The following RIMBP2 variants were observed in gnomAD, a reference collection of about 807,000 sequenced individuals.
The protein encoded by RIMBP2 is RIMS-binding protein 2.
In RIMBP2, 48 loss-of-function variants were observed where a neutral mutation model predicts 118.6. That is an observed-to-expected ratio of 0.40 (90% confidence interval 0.32 to 0.51). The LOEUF (loss-of-function observed/expected upper bound fraction) is 0.51, where lower values mean the gene tolerates loss of function less well. Among genes scored for constraint, RIMBP2 ranks in the 20% least tolerant of loss-of-function variants. The pLI is 0.41. For synonymous variants in RIMBP2, 762 were observed against 742.9 expected (o/e 1.03, Z -0.42); for missense variants, 1,551 against 1,768.3 (o/e 0.88, Z 2.20).
chr12:130,674,533 G>A (rs968530062), intron 1 of RIMBP2, among the ~76,000 whole-genome samples: 5 of 152,122 alleles, frequency 3.3e-5, no homozygotes, highest in African/African-American at 1.2e-4. Flanking sequence ...GGCAAGCCAG[G>A]GACATAGCGG....
At chr12:130,414,609 G>C (rs951222292) in intron 17 of RIMBP2, 41 of 245,488 alleles carry the variant, frequency 1.7e-4, no homozygotes, top group African/African-American at 8.6e-4. Flanking sequence ...CGTGCCAGGG[G>C]CAGGATGGCC....
chr12:130,696,261 A>T (rs1004678161), intron 1 of RIMBP2, among the ~76,000 whole-genome samples: 1 of 152,164 alleles, frequency 6.6e-6, no homozygotes, highest in African/African-American at 2.4e-5. Flanking sequence ...CTGCCTGGGG[A>T]GGGCAGAGAC....
Position 130,451,359 on chromosome 12 carries a change from A to C in RIMBP2, c.359-19T>G. 1 of 1,586,524 alleles carries C rather than the reference A, an allele frequency of 6.3e-7. No homozygotes were observed. The highest frequency in any genetic ancestry group is 8.6e-7 in the Non-Finnish European group (1 of 1,160,540). ...TCCTGACCTGGCCACGAACATTAAA[A>C]CAAGTTGAAACAAATATGCGAATAA... On this transcript the variant is annotated intron_variant, in intron 7 of 22. Transcript: ENST00000690449.
intron 2 of RIMBP2, among the ~76,000 whole-genome samples, chr12:130,532,634 T>G (rs77263113): frequency 0.42 from 42,357 of 100,464 alleles, 11,885 homozygotes; most frequent in Admixed American, 0.5. Flanking sequence ...CTCTAGGAGG[T>G]ACGTCTAATG....
Position 130,469,036 on chromosome 12 carries a change from A to C in RIMBP2, c.153+1657T>G. On this transcript the variant is annotated intron_variant, in intron 6 of 22. Coordinates refer to ENST00000690449, the MANE Select transcript of RIMBP2 (RefSeq NM_001393629.1). The surrounding 1 kb of genome is among the most constrained non-coding windows in gnomAD (Gnocchi z 4.8). ...ACCCCCCACCTGCGTCAGAAGCTGCAGTTCAGGAAGCAGAGGCAGGTCAGA... is the reference window on the plus strand; with the variant it reads ...ACCCCCCACCTGCGTCAGAAGCTGCCGTTCAGGAAGCAGAGGCAGGTCAGA... 6.6e-6 allele frequency: 1 copy of C among 152,454 alleles called. No homozygotes were observed. The highest frequency in any genetic ancestry group is 2.4e-5 in the African/African-American group (1 of 41,426). The allele number at this position is 152,454 out of a possible 1,614,324, so 9.4% of individuals were successfully genotyped here.
intron 12 of RIMBP2, among the ~76,000 whole-genome samples, chr12:130,438,161 A>T (rs1287085688): frequency 2.0e-5 from 3 of 152,102 alleles, no homozygotes; most frequent in Non-Finnish European, 4.4e-5. Flanking sequence ...GCAGGGGATG[A>T]GTGAGGGGAG....
At chr12:130,674,743 C>A (rs2064364946) in intron 1 of RIMBP2, among the ~76,000 whole-genome samples, 1 of 152,146 alleles carries the variant, frequency 6.6e-6, no homozygotes, top group Non-Finnish European at 1.5e-5. Context: ...GCCGAAACCC[C>A]ATATCCATGA....
At chr12:130,602,668 A>T (rs61934625) in intron 2 of RIMBP2, among the ~76,000 whole-genome samples, 18,995 of 152,236 alleles carry the variant, frequency 0.12, 1,542 homozygotes, top group Non-Finnish European at 0.19. Flanking sequence ...TGCGTAAGTA[A>T]CAGTCATTAA....
chr12:130,663,847 C>T (rs960085494), intron 1 of RIMBP2, among the ~76,000 whole-genome samples: 4 of 151,698 alleles, frequency 2.6e-5, no homozygotes, highest in Non-Finnish European at 5.9e-5. Context: ...TACATATGCA[C>T]AGGTTATTCC....
intron 5 of RIMBP2, among the ~76,000 whole-genome samples, chr12:130,473,289 C>T (rs1022965291): frequency 2.6e-5 from 4 of 152,206 alleles, no homozygotes; most frequent in Admixed American, 2.0e-4. Flanking sequence ...AGGGAAAGTG[C>T]GACCTTTACG....
At chr12:130,638,469 G>A (rs547659922) in intron 1 of RIMBP2, among the ~76,000 whole-genome samples, 5 of 152,348 alleles carry the variant, frequency 3.3e-5, no homozygotes, top group South Asian at 4.1e-4. Flanking sequence ...GAACGAGGCC[G>A]CACAGCAGGA....
Position 130,428,333 on chromosome 12 carries a change from T to C in RIMBP2, c.2258A>G (p.His753Arg), listed in dbSNP as rs750333053. ...LKGSELGKQPHCCHGDEYHTE... is the reference protein window; with the variant it reads ...LKGSELGKQPRCCHGDEYHTE... Reference sequence around the variant, plus strand: ...GTGGTACTCGTCTCCATGGCAACAGTGCGGCTGGGGGCCAAGAAAAGGGGC... The same window carrying C: ...GTGGTACTCGTCTCCATGGCAACAGCGCGGCTGGGGGCCAAGAAAAGGGGC... The change falls in exon 15 of 23, where the codon CAC (histidine) becomes CGC (arginine). Residue 753 changes from histidine to arginine, a missense_variant. By Grantham distance (29) the His-to-Arg change is conservative. Coordinates refer to ENST00000690449, the MANE Select transcript of RIMBP2 (RefSeq NM_001393629.1). 10 of 1,605,742 alleles carry C rather than the reference T, an allele frequency of 6.2e-6. No individual in the cohort carries two copies. The South Asian group carries it at 8.9e-5, about 14-fold the overall frequency.
chr12:130,693,228 G>A (rs1381223268), intron 1 of RIMBP2, among the ~76,000 whole-genome samples: 1 of 152,172 alleles, frequency 6.6e-6, no homozygotes, highest in Non-Finnish European at 1.5e-5. Flanking sequence ...CCATGGTCAT[G>A]TAATGATTCA....
chr12:130,473,455 A>G (rs1190334245), intron 5 of RIMBP2, among the ~76,000 whole-genome samples: 1 of 152,138 alleles, frequency 6.6e-6, no homozygotes, highest in Non-Finnish European at 1.5e-5. Flanking sequence ...GCGCTCACAG[A>G]AGGGAGGGCA....
chr12:130,567,763 C>T (rs1325409061), intron 2 of RIMBP2, among the ~76,000 whole-genome samples: 1 of 152,236 alleles, frequency 6.6e-6, no homozygotes, highest in Non-Finnish European at 1.5e-5. Context: ...CATCCCACCT[C>T]TTCCCCCTGG....
intron 2 of RIMBP2, among the ~76,000 whole-genome samples, chr12:130,535,585 C>T (rs1372325988): frequency 6.6e-6 from 1 of 151,664 alleles, no homozygotes; most frequent in Non-Finnish European, 1.5e-5. Context: ...TAGACTAACT[C>T]ATTTAATCCT....
intron 1 of RIMBP2, among the ~76,000 whole-genome samples, chr12:130,667,082 A>AGAAGGGGGGGAG (rs2063969075): frequency 1.6e-5 from 1 of 61,796 alleles, no homozygotes; most frequent in African/African-American, 6.4e-5. Context: ...GGAGGAAAAA[A>AGAAGGGGGGGAG]TGAGGGAGGG....
chr12:130,551,090 T>C (rs534178885), intron 2 of RIMBP2, among the ~76,000 whole-genome samples: 1 of 152,318 alleles, frequency 6.6e-6, no homozygotes, highest in East Asian at 1.9e-4. Flanking sequence ...TGTTCATTAT[T>C]GATTGGATAC....
intron 2 of RIMBP2, among the ~76,000 whole-genome samples, chr12:130,582,690 C>T (rs1034008072): frequency 6.6e-6 from 1 of 152,220 alleles, no homozygotes. Flanking sequence ...AAGAAATGCA[C>T]ATTCTCTGCC....
Sources: allele counts gnomAD v4.1 joint callset (sites outside exome capture counted in the v4.1 genomes callset), GRCh38; gene constraint gnomAD v4.1.1; non-coding constraint Gnocchi (gnomAD v3.1); transcripts MANE v1.5; gene names NCBI Gene and HGNC (gene_info 2026-07-23, HGNC 2026-07-21).